The following NDUFA10 variants were observed in gnomAD, a reference collection of about 807,000 sequenced individuals.
The protein encoded by NDUFA10 is NADH:ubiquinone oxidoreductase subunit A10, also known as NADH dehydrogenase [ubiquinone] 1 alpha subcomplex subunit 10, mitochondrial.
Under a neutral mutation model 47.8 loss-of-function variants are expected in NDUFA10, and 40 were observed. The ratio of observed to expected loss-of-function variants is 0.84; its 90% CI spans 0.65 to 1.09. The LOEUF (loss-of-function observed/expected upper bound fraction) is 1.09, where lower values mean the gene tolerates loss of function less well. Ranked by LOEUF, NDUFA10 falls within the 50% of genes least tolerant of loss-of-function variation. The pLI is 0.00. For missense variants in NDUFA10, 413 were observed against 451.1 expected (o/e 0.92, Z 0.76); for synonymous variants, 183 against 172.2 (o/e 1.06, Z -0.49).
chr2:239,899,018 A>ATGGAGAGGT (rs1693466203), intron 4 of NDUFA10, among the ~76,000 whole-genome samples: 1 of 53,296 alleles, frequency 1.9e-5, no homozygotes, highest in African/African-American at 6.4e-5. Flanking sequence ...GATGGAGGGG[A>ATGGAGAGGT]GTCATGGAGG....
rs554484937 is a variant in NDUFA10, at chr2:239,905,792, C to T, written c.295-10478G>A. On this transcript the variant is annotated intron_variant, in intron 4 of 5. Coordinates refer to the NDUFA10 transcript ENST00000419408. The stretch of plus-strand genomic sequence containing the variant: ...CTAATTATCTCTGAAGAAGAAGAAG[C>T]GGGGAGAGGAGGGGAGGGGAAGGGA... 3.3e-3 allele frequency among the ~76,000 whole-genome samples: 407 copies of T among 125,220 alleles called. 3 individuals carry two copies. Among genetic ancestry groups the T allele is most frequent in the Non-Finnish European group, 3.3e-3 (195 of 59,334 alleles). 82.1% of individuals were successfully genotyped at this position (125,220 alleles called of 152,430 possible).
intron 3 of NDUFA10, among the ~76,000 whole-genome samples, chr2:240,020,382 T>C (rs1697571540): frequency 6.6e-6 from 1 of 152,238 alleles, no homozygotes; most frequent in Admixed American, 6.5e-5. Context: ...CATTTGCTGC[T>C]ACCTGTGAAC....
chr2:239,986,732 A>G (rs1696017792), intron 9 of NDUFA10, among the ~76,000 whole-genome samples: 1 of 152,252 alleles, frequency 6.6e-6, no homozygotes, highest in South Asian at 2.1e-4. Context: ...TAATTTAGCC[A>G]AGAAAATCAA....
At chr2:239,913,106 C>T (rs1193079896) in intron 4 of NDUFA10, among the ~76,000 whole-genome samples, 5 of 152,248 alleles carry the variant, frequency 3.3e-5, no homozygotes, top group African/African-American at 4.8e-5. Flanking sequence ...CACCAGCCCA[C>T]GTTTGGCTTG....
chr2:239,995,006 G>A lies in NDUFA10; in HGVS notation c.891-4824C>T, dbSNP rs550675162. On this transcript the variant is annotated intron_variant, in intron 8 of 9. Transcript: ENST00000252711. Reference sequence around the variant, plus strand: ...AAAAGTGGAAGAGGCCGGGTGCGGCGACTCATGTCTGTAATCTCAGCACTT... The same window carrying A: ...AAAAGTGGAAGAGGCCGGGTGCGGCAACTCATGTCTGTAATCTCAGCACTT... Among the ~76,000 whole-genome samples, 39 of 152,282 alleles carry A rather than the reference G, an allele frequency of 2.6e-4. 1 individual carries two copies. The highest frequency in any genetic ancestry group is 1.8e-3 in the Admixed American group (28 of 15,304).
intron 4 of NDUFA10, among the ~76,000 whole-genome samples, chr2:239,912,637 C>G (rs1036897875): frequency 6.6e-6 from 1 of 152,138 alleles, no homozygotes; most frequent in Non-Finnish European, 1.5e-5. Flanking sequence ...GGACATCTGG[C>G]AGTAGGTGGA....
At position 239,928,446 on chromosome 2, in the gene NDUFA10, A is replaced by G. The variant is rs1376703278; in HGVS notation, c.295-33132T>C. ...GAAAATTACTTCTATTGTGATTATT[A>G]TTCTGTGAAGTCAGTTCCTCATGGC... On this transcript the variant is annotated intron_variant, in intron 4 of 5. Transcript: ENST00000419408. This position sits in a 1 kb window ranked among gnomAD's most constrained non-coding sequence, Gnocchi z 4.3. Among the ~76,000 whole-genome samples the G allele has an allele frequency of 6.6e-6, 1 of 152,198 alleles. No individual in the cohort carries two copies. Among genetic ancestry groups the G allele is most frequent in the Non-Finnish European group, 1.5e-5 (1 of 68,046 alleles).
In NDUFA10 at chr2:240,022,161, T is replaced by C; in HGVS notation, c.244+11A>G. ...GAAAAAGGTATCATTCTGTGTAACA[T>C]AAAATCATACCTAGTTTCTCTGCTA... On this transcript the variant is annotated intron_variant, in intron 2 of 9. Coordinates refer to ENST00000252711, the MANE Select transcript of NDUFA10 (RefSeq NM_004544.4). 1 of 1,603,386 alleles carries C rather than the reference T, an allele frequency of 6.2e-7. No individual in the cohort carries two copies. The highest frequency in any genetic ancestry group is 8.5e-7 in the Non-Finnish European group (1 of 1,170,212).
intron 4 of NDUFA10, among the ~76,000 whole-genome samples, chr2:239,905,024 C>T (rs998633418): frequency 6.6e-6 from 1 of 152,224 alleles, no homozygotes; most frequent in Admixed American, 6.5e-5. Context: ...CATCTCAAAA[C>T]CTTTAACTGA....
chr2:239,931,278 G>A (rs1421226936), intron 4 of NDUFA10, among the ~76,000 whole-genome samples: 2 of 152,136 alleles, frequency 1.3e-5, no homozygotes, highest in African/African-American at 4.8e-5. Flanking sequence ...CTCTCTGGAG[G>A]TGCCCAGCAC....
intron 4 of NDUFA10, among the ~76,000 whole-genome samples, chr2:239,907,297 G>A (rs113279849): frequency 0.15 from 23,189 of 151,990 alleles, 1,862 homozygotes; most frequent in Middle Eastern, 0.21. Flanking sequence ...ACCTAAAACC[G>A]AAGAAAACCT....
At chr2:239,912,331 G>A (rs538672499) in intron 4 of NDUFA10, among the ~76,000 whole-genome samples, 2 of 152,294 alleles carry the variant, frequency 1.3e-5, no homozygotes, top group South Asian at 2.1e-4. Context: ...AAGCGGATTC[G>A]TGGGGCCGAG....
intron 4 of NDUFA10, among the ~76,000 whole-genome samples, chr2:239,930,641 A>AC (rs1007238579): frequency 6.6e-6 from 1 of 152,142 alleles, no homozygotes; most frequent in African/African-American, 2.4e-5. Context: ...AAGGAAAGGT[A>AC]CACAGGGCGG....
At chr2:239,900,067 T>C (rs1693515783) in intron 4 of NDUFA10, among the ~76,000 whole-genome samples, 1 of 151,922 alleles carries the variant, frequency 6.6e-6, no homozygotes, top group Non-Finnish European at 1.5e-5. Flanking sequence ...CCTTCATCTT[T>C]CTCCCGTGGT....
At chr2:239,957,363 C>T (rs1429453814), downstream of NDUFA10, 1 of 152,116 alleles carries the variant, frequency 6.6e-6, no homozygotes, top group Non-Finnish European at 1.5e-5. Flanking sequence ...ATATAATCAC[C>T]AGGTATAGTC....
At chr2:239,894,432 C>T (rs569371994) in intron 5 of NDUFA10, among the ~76,000 whole-genome samples, 1 of 152,204 alleles carries the variant, frequency 6.6e-6, no homozygotes, top group East Asian at 1.9e-4. Context: ...CCGTCCTCTG[C>T]TTCCACCTCC....
rs76035217 is a variant in NDUFA10 at position 240,011,071 on chromosome 2, A to T, written c.749+546T>A. Among the ~76,000 whole-genome samples, 514 of 152,348 alleles carry T rather than the reference A, an allele frequency of 3.4e-3. 9 individuals are homozygous for T. Among genetic ancestry groups the T allele is most frequent in the African/African-American group, 0.012 (482 of 41,588 alleles). On this transcript the variant is annotated intron_variant, in intron 6 of 9. Coordinates refer to ENST00000252711, the MANE Select transcript of NDUFA10 (RefSeq NM_004544.4). Reference sequence around the variant, plus strand: ...ATATACCCAAGGAGCGCAGAATGACAAGCCATAGGATGAGTGAAACCACAT... The same window carrying T: ...ATATACCCAAGGAGCGCAGAATGACTAGCCATAGGATGAGTGAAACCACAT...
intron 9 of NDUFA10, among the ~76,000 whole-genome samples, chr2:239,983,177 C>A (rs1353197399): frequency 6.6e-6 from 1 of 152,176 alleles, no homozygotes; most frequent in Non-Finnish European, 1.5e-5. Flanking sequence ...GGGGAGGGAG[C>A]TTTCCCCAGT....
At chr2:240,017,774 C>T in intron 4 of NDUFA10, 1 of 1,504,788 alleles carries the variant, frequency 6.6e-7, no homozygotes, top group African/African-American at 1.4e-5. Flanking sequence ...CCAGGACACA[C>T]AAGCAGCCAG....
Sources: gnomAD v4.1 joint callset for allele counts (sites outside exome capture counted in the v4.1 genomes callset) on GRCh38, gnomAD v4.1.1 for gene constraint, Gnocchi (gnomAD v3.1) non-coding constraint, MANE v1.5 for transcripts, NCBI Gene and HGNC (gene_info 2026-07-23, HGNC 2026-07-21) for gene names.